The following DENND3 variants were observed in gnomAD, a reference collection of about 807,000 sequenced individuals.
DENND3 encodes the protein DENN domain-containing protein 3.
A neutral mutation model predicts 135.1 loss-of-function variants in DENND3; 88 were observed. The observed-to-expected ratio is 0.65, with a 90% CI of 0.55 to 0.78. DENND3 has a LOEUF of 0.78. Ranked by LOEUF, DENND3 falls within the 30% of genes least tolerant of loss-of-function variation. The probability of loss-of-function intolerance (pLI) is 0.00; values close to 1 mark genes in which losing one functional copy is unlikely to be tolerated. For synonymous variants in DENND3, 693 were observed against 712.3 expected (o/e 0.97, Z 0.43); for missense variants, 1,392 against 1,688.4 (o/e 0.82, Z 3.08).
chr8:141,190,133 T>C, intron 19 of DENND3, 151 bp from the exon 20 acceptor site: 1 of 1,053,540 alleles, frequency 9.5e-7, no homozygotes. Context: ...GTTTGCAGGT[T>C]ATTATGTTTG....
At position 141,166,368 on chromosome 8, in the gene DENND3, G is replaced by GCCGTAGGGGTGTACAGCTGCT; in HGVS notation, c.1732_1733insCCGTAGGGGTGTACAGCTGCT (p.Gly578delinsAlaValGlyValTyrSerCysCys). 2 of 1,612,454 alleles carry GCCGTAGGGGTGTACAGCTGCT rather than the reference G, an allele frequency of 1.2e-6. No individual in the cohort carries two copies. Among genetic ancestry groups the GCCGTAGGGGTGTACAGCTGCT allele is most frequent in the Non-Finnish European group, 1.7e-6 (2 of 1,179,920 alleles). On this transcript the variant is annotated protein_altering_variant, in exon 12 of 23. Transcript: ENST00000519811. This position sits in a 1 kb window ranked among gnomAD's most constrained non-coding sequence, Gnocchi z 4.3. ...CTCGCTCCGGCTGACGGACACCGCA[G>GCCGTAGGGGTGTACAGCTGCT]GCTGTAGGGGCAGCAGCGCAGGTGA...
At chr8:141,149,966 AC>A (rs1237019886) in intron 5 of DENND3, among the ~76,000 whole-genome samples, 1 of 151,918 alleles carries the variant, frequency 6.6e-6, no homozygotes, top group African/African-American at 2.4e-5. Flanking sequence ...CTTGTTTGTG[AC>A]CTGTTTTCTC....
Position 141,136,539 on chromosome 8 carries a change from T to C in DENND3, c.133T>C (p.Ser45Pro), listed in dbSNP as rs1444170799. The C allele has an allele frequency of 6.4e-7, 1 of 1,551,710 alleles. No homozygotes were observed. Among genetic ancestry groups the C allele is most frequent in the African/African-American group, 1.4e-5 (1 of 73,240 alleles). ...TTATAAAAAGGGAGTCAAACATCTT[T>C]CTGCTCTTCTTGATCCAGAGGTCCT... ...VAYKKGVKHL[S>P]ALLDPEVLSI... is the part of the protein sequence containing the mutation. The change falls in exon 2 of 23, where the codon TCT (serine) becomes CCT (proline). Residue 45 changes from serine to proline, a missense_variant. By Grantham distance (74) the Ser-to-Pro change is moderately conservative. Transcript: ENST00000519811.
intron 17 of DENND3, among the ~76,000 whole-genome samples, 160 bp downstream of exon 17, chr8:141,181,014 G>A (rs1054581405): frequency 6.6e-6 from 1 of 152,218 alleles, no homozygotes; most frequent in Non-Finnish European, 1.5e-5. Context: ...CTGAGTGACA[G>A]GTGTGCAGCT....
chr8:141,151,850 A>T lies in DENND3; in HGVS notation c.1074+13A>T. 6.2e-7 allele frequency: 1 copy of T among 1,613,166 alleles called. No homozygotes were observed. Among genetic ancestry groups the T allele is most frequent in the Non-Finnish European group, 8.5e-7 (1 of 1,179,514 alleles). ...AGAAGTCAGCAAGGTTAGGTAGCGA[A>T]CCTTTGACTTGGAATGCTAAATTCC... is the stretch of plus-strand genomic sequence containing the variant. On this transcript the variant is annotated intron_variant, in intron 7 of 22. Coordinates refer to ENST00000519811, the MANE Select transcript of DENND3 (RefSeq NM_001352890.3).
Position 141,188,889 on chromosome 8 carries a change from A to G in DENND3, c.3085-97A>G, listed in dbSNP as rs1379379796. ...CGTGTCCCCTAGGAGCAGTGGTTCC[A>G]TATCCGCTAATTCAGCACGTGCAGT... On this transcript the variant is annotated intron_variant, in intron 18 of 22. Coordinates refer to ENST00000519811, the MANE Select transcript of DENND3 (RefSeq NM_001352890.3). 3 of 1,469,114 alleles carry G rather than the reference A, an allele frequency of 2.0e-6. No homozygotes were observed. In the Admixed American group the frequency reaches 7.4e-5, roughly 36 times the overall value. The allele number at this position is 1,469,114 out of a possible 1,614,324, so 91.0% of individuals were successfully genotyped here.
intron 19 of DENND3, among the ~76,000 whole-genome samples, chr8:141,189,802 C>T (rs1014084962): frequency 4.6e-5 from 7 of 152,278 alleles, no homozygotes; most frequent in East Asian, 1.9e-4. Context: ...TCAGGGGTGG[C>T]GCAGGGTGCA....
rs180877937 is a variant in DENND3 at position 141,147,339 on chromosome 8, C to G, written c.735+3080C>G. ...AACATGTGGATATTGGGCTTTGCTT[C>G]TCTTCCCCAAGCCCCACAACAGTTT... On this transcript the variant is annotated intron_variant, in intron 5 of 22. Coordinates refer to ENST00000519811, the MANE Select transcript of DENND3 (RefSeq NM_001352890.3). 1.1e-4 allele frequency among the ~76,000 whole-genome samples: 17 copies of G among 152,318 alleles called. No homozygotes were observed. In the South Asian group the frequency reaches 1.2e-3, roughly 11 times the overall value.
intron 18 of DENND3, 36 bp from the exon 19 acceptor site, chr8:141,188,950 T>A (rs778717478): frequency 1.1e-5 from 18 of 1,604,398 alleles, no homozygotes; most frequent in Non-Finnish European, 1.5e-5. Flanking sequence ...GTATCGAGAC[T>A]GACTGATTTC....
Position 141,163,339 on chromosome 8 carries a change from A to G in DENND3, c.1359A>G (p.Val453=), listed in dbSNP as rs773413795. ...LQLLVSIFRD[V]KNHLNYEHRV... ...CTCTCTTTCTCTTTGTTAGGGATGT[A>G]AAGAATCATTTAAACTATGAACACA... Residue 453 remains valine (V), a synonymous_variant, in exon 10 of 23, where the codon GTA becomes GTG. Coordinates refer to ENST00000519811, the MANE Select transcript of DENND3 (RefSeq NM_001352890.3). The G allele has an allele frequency of 3.1e-6, 5 of 1,598,054 alleles. No individual in the cohort carries two copies. In the South Asian group the frequency reaches 5.6e-5, roughly 18 times the overall value.
chr8:141,150,353 T>A (rs1212201880), intron 5 of DENND3: 1 of 1,260,788 alleles, frequency 7.9e-7, no homozygotes, highest in Non-Finnish European at 1.0e-6. Context: ...TTCAAAGTAA[T>A]ACATTTAGAA....
chr8:141,191,034 C>CT (rs1824680938), intron 20 of DENND3, among the ~76,000 whole-genome samples: 2 of 152,238 alleles, frequency 1.3e-5, no homozygotes, highest in South Asian at 2.1e-4. Context: ...AATATGTTTT[C>CT]TTTTTTGTAA....
intron 8 of DENND3, among the ~76,000 whole-genome samples, chr8:141,158,650 G>T (rs1819742767): frequency 6.6e-6 from 1 of 152,206 alleles, no homozygotes; most frequent in South Asian, 2.1e-4. Flanking sequence ...AGGGGCTCTG[G>T]AGTACAATAT....
chr8:141,150,905 G>C lies in DENND3; in HGVS notation c.807G>C (p.Leu269=). 2 of 1,609,686 alleles carry C rather than the reference G, an allele frequency of 1.2e-6. No homozygotes were observed. The highest frequency in any genetic ancestry group is 1.7e-6 in the Non-Finnish European group (2 of 1,178,922). The change falls in exon 6 of 23, where the codon CTG becomes CTC. Residue 269 remains leucine, a synonymous_variant. Transcript: ENST00000519811. ...RADPESPILD[L]DLHLPLLCFR... ...ACCCCGAAAGCCCCATCCTGGACCT[G>C]GACCTTCACCTGCCCTTGCTGTGCT...
intron 1 of DENND3, among the ~76,000 whole-genome samples, chr8:141,129,027 T>G (rs1487324451): frequency 6.6e-6 from 1 of 152,086 alleles, no homozygotes; most frequent in Non-Finnish European, 1.5e-5. Context: ...CCCTCTTCTC[T>G]CCTCTCCCCG....
At chr8:141,133,676 A>G (rs1816429210) in intron 1 of DENND3, among the ~76,000 whole-genome samples, 1 of 151,774 alleles carries the variant, frequency 6.6e-6, no homozygotes, top group Non-Finnish European at 1.5e-5. Flanking sequence ...GCTCTCCAGG[A>G]CCAGTGGCTG....
rs1055135495 is a variant in DENND3, at chr8:141,144,907, A to G, written c.735+648A>G. On this transcript the variant is annotated intron_variant, in intron 5 of 22. Coordinates refer to ENST00000519811, the MANE Select transcript of DENND3 (RefSeq NM_001352890.3). This position sits in a 1 kb window ranked among gnomAD's most constrained non-coding sequence, Gnocchi z 4.4. ...CCAACCTGACTCTGGTATAGCATCCATGACAGATAGCAGACCCTGAAGAAA... is the reference window on the plus strand; with the variant it reads ...CCAACCTGACTCTGGTATAGCATCCGTGACAGATAGCAGACCCTGAAGAAA... Among the ~76,000 whole-genome samples, 1 of 152,270 alleles carries G rather than the reference A, an allele frequency of 6.6e-6. No homozygotes were observed.
Position 141,141,420 on chromosome 8 carries a change from G to C in DENND3, c.623+96G>C, listed in dbSNP as rs1428261344. The C allele has an allele frequency of 1.4e-6, 2 of 1,410,760 alleles. No homozygotes were observed. Among genetic ancestry groups the C allele is most frequent in the Non-Finnish European group, 1.9e-6 (2 of 1,032,588 alleles). 87.4% of individuals were successfully genotyped at this position (1,410,760 alleles called of 1,614,324 possible). A position where few individuals can be genotyped will look rare whatever the true frequency, so the allele number is the denominator to read the frequency against. Reference sequence around the variant, plus strand: ...ACCAGGGGGCTGGAGGTGGTGGGGGGGCAGCTCTCTGTTCCTCTCCTGGTG... The same window carrying C: ...ACCAGGGGGCTGGAGGTGGTGGGGGCGCAGCTCTCTGTTCCTCTCCTGGTG... On this transcript the variant is annotated intron_variant, in intron 4 of 22. Coordinates refer to ENST00000519811, the MANE Select transcript of DENND3 (RefSeq NM_001352890.3). The surrounding 1 kb of genome is among the most constrained non-coding windows in gnomAD (Gnocchi z 5.3).
At chr8:141,134,909 C>T (rs1366504872) in intron 1 of DENND3, among the ~76,000 whole-genome samples, 1 of 152,020 alleles carries the variant, frequency 6.6e-6, no homozygotes, top group African/African-American at 2.4e-5. Context: ...CGGCTCACTG[C>T]AAGCTCCGCC....
Sources: gnomAD v4.1 joint callset for allele counts (sites outside exome capture counted in the v4.1 genomes callset) on GRCh38, gnomAD v4.1.1 for gene constraint, Gnocchi (gnomAD v3.1) non-coding constraint, MANE v1.5 for transcripts, NCBI Gene and HGNC (gene_info 2026-07-23, HGNC 2026-07-21) for gene names.